Variants in AGBL1 observed in about 807,000 individuals in gnomAD.
AGBL1 encodes AGBL carboxypeptidase 1.
Under a neutral mutation model 118.9 loss-of-function variants are expected in AGBL1, and 130 were observed. The ratio of observed to expected loss-of-function variants is 1.09; its 90% confidence interval spans 0.95 to 1.26. The LOEUF (loss-of-function observed/expected upper bound fraction) is 1.26, where lower values mean the gene tolerates loss of function less well. Among genes scored for constraint, AGBL1 ranks in the 50% most tolerant of loss-of-function variants. The pLI is 0.00. For missense variants in AGBL1, 1,584 were observed against 1,298.1 expected, an observed-to-expected ratio of 1.22 and a Z score of -3.38; for synonymous variants, 555 against 478.9, an observed-to-expected ratio of 1.16 and a Z score of -2.08.
rs1365964194 is a variant in AGBL1 at position 86,912,925 on chromosome 15, T to C, written c.*5631T>C. 6.6e-6 allele frequency: 1 copy of C among 152,178 alleles called. No homozygotes were observed. Among genetic ancestry groups the C allele is most frequent in the Non-Finnish European group, 1.5e-5 (1 of 68,038 alleles). 9.4% of individuals were successfully genotyped at this position (152,178 alleles called of 1,614,324 possible). On this transcript the variant is annotated 3_prime_UTR_variant, in exon 23 of 23. Coordinates refer to ENST00000614907, the MANE Select transcript of AGBL1 (RefSeq NM_001386094.1). ...TTCTGGGCAAAAATAATTCATCAGC[T>C]CTGGAGCCTGCTGCTGTCTTCCCAA...
intron 21 of AGBL1, among the ~76,000 whole-genome samples, chr15:86,639,970 T>C (rs2085164378): frequency 6.6e-6 from 1 of 152,350 alleles, no homozygotes; most frequent in African/African-American, 2.4e-5. Context: ...GTTTGCTGAA[T>C]GGATGGTGTG....
At chr15:86,945,974 A>G (rs1337133593) in intron 23 of AGBL1, among the ~76,000 whole-genome samples, 1 of 152,202 alleles carries the variant, frequency 6.6e-6, no homozygotes, top group Non-Finnish European at 1.5e-5. Flanking sequence ...CATCTACTCA[A>G]CAGAAGACAG....
chr15:86,154,610 G>C, intron 4 of AGBL1, 49 bp downstream of exon 4: 1 of 1,563,304 alleles, frequency 6.4e-7, no homozygotes, highest in Non-Finnish European at 8.7e-7. Flanking sequence ...AACCTGGGCT[G>C]GGACACATGG....
In AGBL1 at chr15:86,339,860, G is replaced by A. The variant is rs532622674; in HGVS notation, c.2374+44452G>A. Among the ~76,000 whole-genome samples the A allele has an allele frequency of 7.3e-3, 1,109 of 152,160 alleles. 14 individuals are homozygous for A. The highest frequency in any genetic ancestry group is 0.026 in the African/African-American group (1,064 of 41,490). On this transcript the variant is annotated intron_variant, in intron 17 of 22. Coordinates refer to ENST00000614907, the MANE Select transcript of AGBL1 (RefSeq NM_001386094.1). The stretch of plus-strand genomic sequence containing the variant: ...CGCATGCCTTAATCCCAGCTACTCG[G>A]GAGGCTGAGGCAGGAGAATCACTTG...
intron 21 of AGBL1, among the ~76,000 whole-genome samples, chr15:86,651,934 T>C (rs2085377712): frequency 6.6e-6 from 1 of 152,128 alleles, no homozygotes; most frequent in Admixed American, 6.6e-5. Flanking sequence ...CAGCATAAAG[T>C]GTCATTGAGA....
At chr15:86,109,549 G>C (rs1392143388) in intron 1 of AGBL1, among the ~76,000 whole-genome samples, 1 of 152,082 alleles carries the variant, frequency 6.6e-6, no homozygotes, top group Non-Finnish European at 1.5e-5. Context: ...TCTGTAGCAT[G>C]GTTGATCAAA....
chr15:86,412,561 G>C (rs1431243), intron 18 of AGBL1, among the ~76,000 whole-genome samples: 57,489 of 151,938 alleles, frequency 0.38, 11,388 homozygotes, highest in East Asian at 0.68. Context: ...AGTGTGGAAG[G>C]ATGAGGTGCA....
At chr15:86,672,265 A>T (rs890318864) in intron 21 of AGBL1, among the ~76,000 whole-genome samples, 2 of 152,222 alleles carry the variant, frequency 1.3e-5, no homozygotes, top group African/African-American at 4.8e-5. Flanking sequence ...TACAATGACA[A>T]CTATGACCTG....
chr15:86,560,529 C>A (rs1480971706), intron 21 of AGBL1, among the ~76,000 whole-genome samples: 1 of 152,198 alleles, frequency 6.6e-6, no homozygotes. Context: ...TTTCTTAATC[C>A]AGTCTATCAT....
chr15:86,242,761 A>C (rs1334356183), intron 6 of AGBL1, among the ~76,000 whole-genome samples: 1 of 152,240 alleles, frequency 6.6e-6, no homozygotes, highest in East Asian at 1.9e-4. Flanking sequence ...GGAAATAAAG[A>C]GCAGTGATAA....
At chr15:86,934,293 T>G (rs1257789226) in intron 23 of AGBL1, among the ~76,000 whole-genome samples, 1 of 152,190 alleles carries the variant, frequency 6.6e-6, no homozygotes, top group East Asian at 1.9e-4. Flanking sequence ...TATTCCTTAT[T>G]TTATCTCTTT....
chr15:86,644,723 T>C (rs1463326479), intron 21 of AGBL1, among the ~76,000 whole-genome samples: 1 of 151,600 alleles, frequency 6.6e-6, no homozygotes, highest in Non-Finnish European at 1.5e-5. Context: ...AAAGGAGACG[T>C]GGCTGGGCGT....
downstream of AGBL1, among the ~76,000 whole-genome samples, chr15:87,030,493 A>G (rs2141818217): frequency 6.6e-6 from 1 of 152,072 alleles, no homozygotes; most frequent in South Asian, 2.1e-4. Flanking sequence ...TTGACCATAG[A>G]TTGTATCACT....
chr15:87,014,535 A>G (rs1019418741), intron 24 of AGBL1, among the ~76,000 whole-genome samples: 1 of 152,214 alleles, frequency 6.6e-6, no homozygotes, highest in East Asian at 1.9e-4. Context: ...TCCTAGGGCC[A>G]TAAAATGTTT....
intron 1 of AGBL1, among the ~76,000 whole-genome samples, chr15:86,124,193 G>C (rs928155538): frequency 1.3e-5 from 2 of 152,072 alleles, no homozygotes; most frequent in African/African-American, 4.8e-5. Context: ...AGCGGGGCAT[G>C]GTGGCAGGTG....
intron 21 of AGBL1, among the ~76,000 whole-genome samples, chr15:86,673,267 G>A (rs2085778193): frequency 6.6e-6 from 1 of 152,068 alleles, no homozygotes; most frequent in African/African-American, 2.4e-5. Context: ...GGTATGAAGG[G>A]GAGAATTATG....
At chr15:86,635,298 TCCCCTC>T (rs1215151784) in intron 21 of AGBL1, among the ~76,000 whole-genome samples, 374 of 5,116 alleles carry the variant, frequency 0.073, 12 homozygotes, top group Non-Finnish European at 0.1. Context: ...CCCCTCCCCC[TCCCCTC>T]CTCCTCCTCC....
chr15:86,222,204 G>A (rs1330754867), intron 5 of AGBL1, among the ~76,000 whole-genome samples: 2 of 152,130 alleles, frequency 1.3e-5, no homozygotes, highest in Non-Finnish European at 1.5e-5. Context: ...ATTCATAAAT[G>A]TATATTCCTA....
At chr15:86,281,781 G>A (rs2079359171) in intron 16 of AGBL1, among the ~76,000 whole-genome samples, 1 of 152,146 alleles carries the variant, frequency 6.6e-6, no homozygotes, top group Non-Finnish European at 1.5e-5. Flanking sequence ...TCAGATTAGT[G>A]TCATTGCTTG....
Sources: gnomAD v4.1 joint callset for allele counts (sites outside exome capture counted in the v4.1 genomes callset) on GRCh38, gnomAD v4.1.1 for gene constraint, MANE v1.5 for transcripts, NCBI Gene and HGNC (gene_info 2026-07-23, HGNC 2026-07-21) for gene names.